The following INPP4B variants were observed in gnomAD, a reference collection of about 807,000 sequenced individuals.
INPP4B encodes inositol polyphosphate 4-phosphatase type II.
Under a neutral mutation model 122.5 loss-of-function variants are expected in INPP4B, and 55 were observed. The ratio of observed to expected loss-of-function variants is 0.45; its 90% CI spans 0.36 to 0.56. The LOEUF is 0.56. Ranked by LOEUF, INPP4B falls within the 20% of genes least tolerant of loss-of-function variation. INPP4B has a pLI of 0.00. For synonymous variants in INPP4B, 403 were observed against 388.7 expected, an observed-to-expected ratio of 1.04 and a Z score of -0.43; for missense variants, 1,000 against 1,097.7, an observed-to-expected ratio of 0.91 and a Z score of 1.26.
At chr4:142,305,739 C>A in intron 8 of INPP4B, 1 of 1,399,110 alleles carries the variant, frequency 7.1e-7, no homozygotes, top group Non-Finnish European at 9.3e-7. Flanking sequence ...GTATCATTTT[C>A]CCTAAAAGAA....
At position 142,542,184 on chromosome 4, in the gene INPP4B, C is replaced by T. The variant is rs79481442; in HGVS notation, c.-190-79458G>A. Among the ~76,000 whole-genome samples the T allele has an allele frequency of 7.8e-3, 1,193 of 152,298 alleles. 27 individuals carry two copies. Among genetic ancestry groups the T allele is most frequent in the Admixed American group, 0.033 (505 of 15,280 alleles). On this transcript the variant is annotated intron_variant, in intron 2 of 25. Transcript: ENST00000262992. ...AGGCAGAGATGAAACCCTTTGGATG[C>T]TCTATCTCCTTACATCTATTATTGG...
intron 7 of INPP4B, among the ~76,000 whole-genome samples, chr4:142,359,859 T>C (rs1784832583): frequency 6.6e-6 from 1 of 151,986 alleles, no homozygotes; most frequent in South Asian, 2.1e-4. Context: ...CAGGAAATTC[T>C]TTTTCATGTC....
intron 1 of INPP4B, among the ~76,000 whole-genome samples, chr4:142,765,308 C>T (rs1311620759): frequency 6.6e-6 from 1 of 152,084 alleles, no homozygotes; most frequent in Non-Finnish European, 1.5e-5. Context: ...GTGGGGGTGG[C>T]ACTGAAGGGC....
Position 142,229,331 on chromosome 4 carries a change from T to C in INPP4B, c.836+8533A>G, listed in dbSNP as rs368225109. On this transcript the variant is annotated intron_variant, in intron 12 of 25. Coordinates refer to ENST00000262992, the MANE Select transcript of INPP4B (RefSeq NM_001101669.3). ...AAAAATAAAGTTATAAAATGAAGCA[T>C]AGTGTGATTCTCAATAAAGTATTTA... Among the ~76,000 whole-genome samples the C allele has an allele frequency of 4.0e-4, 61 of 152,254 alleles. No homozygotes were observed. In the South Asian group the frequency reaches 0.012, roughly 29 times the overall value.
At chr4:142,799,258 A>T (rs1777690401) in intron 1 of INPP4B, among the ~76,000 whole-genome samples, 1 of 151,906 alleles carries the variant, frequency 6.6e-6, no homozygotes. Flanking sequence ...ATTACTTTCT[A>T]AAACTCATCG....
intron 8 of INPP4B, among the ~76,000 whole-genome samples, chr4:142,313,917 G>A (rs573462345): frequency 6.6e-6 from 1 of 152,260 alleles, no homozygotes; most frequent in African/African-American, 2.4e-5. Context: ...TTGAGAAAGT[G>A]GCTGTGTTCA....
chr4:142,749,355 C>T (rs983904655), intron 1 of INPP4B, among the ~76,000 whole-genome samples: 1 of 147,910 alleles, frequency 6.8e-6, no homozygotes. Context: ...GTGGTCTAAA[C>T]GTGTTCTTTA....
chr4:142,530,578 T>TATATATATAC (rs1491512256), intron 2 of INPP4B, among the ~76,000 whole-genome samples: 2 of 109,580 alleles, frequency 1.8e-5, no homozygotes, highest in African/African-American at 6.4e-5. Flanking sequence ...TATATATATA[T>TATATATATAC]ACACACACAC....
intron 1 of INPP4B, among the ~76,000 whole-genome samples, chr4:142,806,278 CAAAAAAAAAA>C (rs1175185594): frequency 1.9e-5 from 1 of 53,610 alleles, no homozygotes; most frequent in Non-Finnish European, 3.4e-5. Flanking sequence ...GACTCCGTCT[CAAAAAAAAAA>C]AAAAAAAAAA....
chr4:142,326,661 C>T (rs780957733), intron 7 of INPP4B, among the ~76,000 whole-genome samples: 2 of 152,150 alleles, frequency 1.3e-5, no homozygotes, highest in Non-Finnish European at 2.9e-5. Context: ...ATCCATTATC[C>T]TCAGCATTAG....
chr4:142,037,387 C>T (rs1020842122), intron 25 of INPP4B, among the ~76,000 whole-genome samples: 10 of 152,124 alleles, frequency 6.6e-5, no homozygotes, highest in Non-Finnish European at 1.5e-5. Flanking sequence ...ATCACAGATA[C>T]TCTCTCAAAT....
At chr4:142,719,815 G>A (rs1764275518) in intron 2 of INPP4B, among the ~76,000 whole-genome samples, 1 of 151,990 alleles carries the variant, frequency 6.6e-6, no homozygotes, top group Admixed American at 6.6e-5. Flanking sequence ...TGTAACAACT[G>A]AACAGAGATC....
chr4:142,570,168 T>C (rs1239317980), intron 2 of INPP4B, among the ~76,000 whole-genome samples: 2 of 152,114 alleles, frequency 1.3e-5, no homozygotes, highest in Non-Finnish European at 2.9e-5. Context: ...ATTGCTTCTT[T>C]ATGTATTTCA....
Position 142,145,980 on chromosome 4 carries a change from T to C in INPP4B, c.1580A>G (p.Asn527Ser), listed in dbSNP as rs748008014. 1.9e-6 allele frequency: 3 copies of C among 1,613,484 alleles called. No individual in the cohort carries two copies. The East Asian group carries it at 6.7e-5, about 36-fold the overall frequency. ...AATGCAGTTCAGGCTCTTCCCCACATTGGCCCACACCCTGTCCTGAAAAAA... is the reference window on the plus strand; with the variant it reads ...AATGCAGTTCAGGCTCTTCCCCACACTGGCCCACACCCTGTCCTGAAAAAA... Reference protein sequence around the residue: ...DEEEWDRVWANVGKSLNCIIA... With the variant: ...DEEEWDRVWASVGKSLNCIIA... Residue 527 changes from asparagine (N) to serine (S), a missense_variant, in exon 18 of 26, where the codon AAT becomes AGT. Physicochemically the swap from Asn to Ser is conservative, Grantham distance 46. Coordinates refer to ENST00000262992, the MANE Select transcript of INPP4B (RefSeq NM_001101669.3).
rs1303976605 is a variant in INPP4B, at chr4:142,086,211, T to G, written c.2420A>C (p.Glu807Ala). The G allele has an allele frequency of 1.3e-6, 2 of 1,597,950 alleles. No homozygotes were observed. Among genetic ancestry groups the G allele is most frequent in the Non-Finnish European group, 1.7e-6 (2 of 1,165,380 alleles). Reference sequence around the variant, plus strand: ...GGATTGGATATTTTGAAGGAGATTTTCTAGCAATGCTTTTAAATCATTTTG... The same window carrying G: ...GGATTGGATATTTTGAAGGAGATTTGCTAGCAATGCTTTTAAATCATTTTG... ...QEQNDLKALL[E>A]NLLQNIQSKK... The change falls in exon 24 of 26, where the codon GAA (glutamate) becomes GCA (alanine). Residue 807 changes from glutamate (E) to alanine (A), a missense_variant. Physicochemically the swap from Glu to Ala is moderately radical, Grantham distance 107. Transcript: ENST00000262992.
chr4:142,528,701 A>G (rs1007259355), intron 2 of INPP4B, among the ~76,000 whole-genome samples: 1 of 152,126 alleles, frequency 6.6e-6, no homozygotes, highest in African/African-American at 2.4e-5. Flanking sequence ...TTCCCCTCCC[A>G]CAATAGTCAT....
intron 2 of INPP4B, among the ~76,000 whole-genome samples, chr4:142,486,356 T>C (rs1821194629): frequency 6.6e-6 from 1 of 152,198 alleles, no homozygotes; most frequent in South Asian, 2.1e-4. Context: ...TTTAATTTGC[T>C]TTTTCTTGTG....
At chr4:142,372,485 T>C (rs1579877758) in intron 7 of INPP4B, among the ~76,000 whole-genome samples, 1 of 152,216 alleles carries the variant, frequency 6.6e-6, no homozygotes, top group Admixed American at 6.6e-5. Context: ...ATTCTATGCC[T>C]GTATCAAAAT....
intron 2 of INPP4B, among the ~76,000 whole-genome samples, chr4:142,720,874 C>A (rs1210927489): frequency 7.7e-6 from 1 of 129,892 alleles, no homozygotes; most frequent in Non-Finnish European, 1.6e-5. Flanking sequence ...TACTTTGTCA[C>A]CCAGGCTGGA....
Sources: allele counts gnomAD v4.1 joint callset (sites outside exome capture counted in the v4.1 genomes callset), GRCh38; gene constraint gnomAD v4.1.1; transcripts MANE v1.5; gene names NCBI Gene and HGNC (gene_info 2026-07-23, HGNC 2026-07-21).